The following MSTO1 variants were observed in gnomAD, a reference collection of about 807,000 sequenced individuals.
The protein encoded by MSTO1 is misato mitochondrial distribution and morphology regulator 1.
Under a neutral mutation model 55.7 loss-of-function variants are expected in MSTO1, and 24 were observed. That is an observed-to-expected ratio of 0.43 (90% CI 0.31 to 0.61). The LOEUF (loss-of-function observed/expected upper bound fraction) is 0.61. Ranked by LOEUF, MSTO1 falls within the 20% of genes least tolerant of loss-of-function variation. The pLI, the probability that MSTO1 is intolerant of heterozygous loss-of-function variation, is 0.09. For missense variants in MSTO1, 363 were observed against 625.7 expected (o/e 0.58, Z 4.48); for synonymous variants, 162 against 252.8 (o/e 0.64, Z 3.41).
chr1:155,563,350 G>A, the MSTO1 span: 13 of 456,110 alleles, frequency 2.9e-5, no homozygotes, highest in Admixed American at 2.8e-4. Flanking sequence ...GGACCGACAC[G>A]GGTATTGTAC....
the MSTO1 span, among the ~76,000 whole-genome samples, chr1:155,576,687 G>A: frequency 1.7e-3 from 254 of 151,126 alleles, 1 homozygote; most frequent in African/African-American, 6.0e-3. Context: ...CATAACACAC[G>A]ATAATGAAGA....
chr1:155,578,507 CTTTTTTTTTT>C, the MSTO1 span, among the ~76,000 whole-genome samples: 1 of 99,528 alleles, frequency 1.0e-5, no homozygotes, highest in Non-Finnish European at 2.1e-5. Flanking sequence ...CCCGGCTAAT[CTTTTTTTTTT>C]TTTTTTTTTT....
the MSTO1 span, among the ~76,000 whole-genome samples, chr1:155,569,724 A>G: frequency 6.6e-6 from 1 of 151,938 alleles, no homozygotes; most frequent in Non-Finnish European, 1.5e-5. Flanking sequence ...AGCATGATCC[A>G]CTGCACCCGG....
In MSTO1 at chr1:155,613,496, C is replaced by T; in HGVS notation, c.1318C>T (p.Leu440Phe). 3 of 1,613,976 alleles carry T rather than the reference C, an allele frequency of 1.9e-6. No individual in the cohort carries two copies. The highest frequency in any genetic ancestry group is 2.2e-5 in the East Asian group (1 of 44,872). Residue 440 changes from leucine (L) to phenylalanine (F), a missense_variant, in exon 12 of 14, where the codon CTT (leucine) becomes TTT (phenylalanine). Coordinates refer to ENST00000245564, the MANE Select transcript of MSTO1 (RefSeq NM_018116.4). ...CCCAGGGACACCTCCACCCTCTGCC[C>T]TTCATGCATGTACCACTGGGGAAGA... ...LTPGTPPPSA[L>F]HACTTGEEIL...
upstream of MSTO1, among the ~76,000 whole-genome samples, chr1:155,605,526 T>C (rs1213990133): frequency 6.6e-6 from 1 of 152,112 alleles, no homozygotes; most frequent in African/African-American, 2.4e-5. Context: ...CTGCAAACAC[T>C]GCAGGCAGGG....
At chr1:155,582,460 TTTTG>T in the MSTO1 span, among the ~76,000 whole-genome samples, 1 of 152,038 alleles carries the variant, frequency 6.6e-6, no homozygotes, top group Admixed American at 6.6e-5. Flanking sequence ...CTTATAGATT[TTTTG>T]TTTGTTTGTT....
chr1:155,574,965 C>G, the MSTO1 span, among the ~76,000 whole-genome samples: 2 of 150,004 alleles, frequency 1.3e-5, no homozygotes, highest in Admixed American at 6.7e-5. Context: ...CTCCCGGGTT[C>G]AAGCGATTCT....
At chr1:155,610,082 G>A, upstream of MSTO1, 1 of 688,332 alleles carries the variant, frequency 1.5e-6, no homozygotes, top group Non-Finnish European at 2.4e-6. Flanking sequence ...GCCACGTCTA[G>A]GAAGAGGTAG....
At chr1:155,607,260 C>G (rs1204823682), upstream of MSTO1, among the ~76,000 whole-genome samples, 1 of 152,000 alleles carries the variant, frequency 6.6e-6, no homozygotes, top group Non-Finnish European at 1.5e-5. Flanking sequence ...CTGCAACCTC[C>G]GACTCCCTGG....
chr1:155,564,586 T>C, the MSTO1 span, among the ~76,000 whole-genome samples: 127 of 152,344 alleles, frequency 8.3e-4, no homozygotes, highest in Non-Finnish European at 1.6e-3. Flanking sequence ...GGATTAAGTG[T>C]TGTTTACTTG....
At chr1:155,610,081 A>G (rs369081294), upstream of MSTO1, 1,530 of 672,726 alleles carry the variant, frequency 2.3e-3, 8 homozygotes, top group African/African-American at 0.024. Context: ...GGCCACGTCT[A>G]GGAAGAGGTA....
At chr1:155,578,336 CTTTTTTTTTTT>C in the MSTO1 span, among the ~76,000 whole-genome samples, 18 of 44,292 alleles carry the variant, frequency 4.1e-4, 1 homozygote, top group South Asian at 0.01. Context: ...AACTACCTTT[CTTTTTTTTTTT>C]TTTTTTTTTT....
chr1:155,564,952 T>C, the MSTO1 span, among the ~76,000 whole-genome samples: 30 of 151,994 alleles, frequency 2.0e-4, no homozygotes, highest in African/African-American at 6.8e-4. Context: ...AAACCCCGTC[T>C]CTACTAATAA....
chr1:155,584,027 T>C, the MSTO1 span, among the ~76,000 whole-genome samples: 3 of 152,196 alleles, frequency 2.0e-5, no homozygotes, highest in Non-Finnish European at 4.4e-5. Context: ...TGTGGAAGCA[T>C]GTCATATGCT....
At chr1:155,584,140 G>A in the MSTO1 span, among the ~76,000 whole-genome samples, 5 of 152,140 alleles carry the variant, frequency 3.3e-5, no homozygotes, top group African/African-American at 4.8e-5. Context: ...AGGCCAAGGC[G>A]GGAGGATCAC....
chr1:155,569,681 C>A, the MSTO1 span, among the ~76,000 whole-genome samples: 1 of 152,042 alleles, frequency 6.6e-6, no homozygotes, highest in Non-Finnish European at 1.5e-5. Flanking sequence ...TTGTGATCTA[C>A]CCTCCTCAAT....
At chr1:155,603,831 C>T in the MSTO1 span, among the ~76,000 whole-genome samples, 1 of 152,058 alleles carries the variant, frequency 6.6e-6, no homozygotes. Flanking sequence ...GTACTCCAGT[C>T]TGGGTGACAG....
At chr1:155,591,651 G>T in the MSTO1 span, among the ~76,000 whole-genome samples, 2 of 151,914 alleles carry the variant, frequency 1.3e-5, no homozygotes, top group Middle Eastern at 3.2e-3. Context: ...TTAGCCAGGC[G>T]TGGTGGCGCA....
rs1674212380 is a variant in MSTO1 at position 155,612,061 on chromosome 1, C to G, written c.639C>G (p.Asp213Glu). 1 of 1,607,508 alleles carries G rather than the reference C, an allele frequency of 6.2e-7. No individual in the cohort carries two copies. Among genetic ancestry groups the G allele is most frequent in the Non-Finnish European group, 8.5e-7 (1 of 1,178,026 alleles). Residue 213 changes from aspartate to glutamate, a missense_variant, in exon 7 of 14, where the codon GAC (aspartate) becomes GAG (glutamate). This residue lies in a region of MSTO1 where 94 missense variants were observed against 212.4 expected (regional missense o/e 0.44). Transcript: ENST00000245564. ...KEPKYQEELE[D>E]RLHFYVEECD... ...CCAAGTACCAGGAAGAGCTGGAGGA[C>G]AGGCTGCATTTCTACGTGGAGGAAT...
Sources: gnomAD v4.1 joint callset for allele counts (sites outside exome capture counted in the v4.1 genomes callset) on GRCh38, gnomAD v4.1.1 for gene constraint, gnomAD v4.1.1 regional missense constraint, MANE v1.5 for transcripts, NCBI Gene and HGNC (gene_info 2026-07-23, HGNC 2026-07-21) for gene names.